Variants in STK24 observed in about 807,000 individuals in gnomAD.
The protein encoded by STK24 is serine/threonine-protein kinase 24.
In STK24, 21 loss-of-function variants were observed where a neutral mutation model predicts 55.6. The ratio of observed to expected loss-of-function variants is 0.38; its 90% CI spans 0.27 to 0.54. STK24 has a LOEUF of 0.54. Among genes scored for constraint, STK24 ranks in the 20% least tolerant of loss-of-function variants. STK24 has a pLI of 0.79. For synonymous variants in STK24, 200 were observed against 215.2 expected (o/e 0.93, Z 0.62); for missense variants, 383 against 538.4 (o/e 0.71, Z 2.86).
intron 1 of STK24, among the ~76,000 whole-genome samples, chr13:98,537,938 G>A (rs1346816750): frequency 6.6e-6 from 1 of 152,124 alleles, no homozygotes; most frequent in Non-Finnish European, 1.5e-5. Flanking sequence ...TCCGCTGCAT[G>A]GCCCAACCAC....
chr13:98,448,177 CAA>C lies in STK24; in HGVS notation c.*4994_*4995del, dbSNP rs1555298723. 13 of 1,429,316 alleles carry C rather than the reference CAA, an allele frequency of 9.1e-6. No individual in the cohort carries two copies. Among genetic ancestry groups the C allele is most frequent in the Middle Eastern group, 2.1e-4 (1 of 4,728 alleles). 88.5% of individuals were successfully genotyped at this position (1,429,316 alleles called of 1,614,324 possible). On this transcript the variant is annotated 3_prime_UTR_variant, in exon 11 of 11. Coordinates refer to ENST00000539966, the MANE Select transcript of STK24 (RefSeq NM_001032296.4). ...TTGTGTTTCTGTAAGCGATGCCCAC[CAA>C]AGTGTCAGGAGTCCGTCCAAACAAA...
chr13:98,473,435 C>G (rs1894235231), intron 5 of STK24, among the ~76,000 whole-genome samples: 1 of 151,110 alleles, frequency 6.6e-6, no homozygotes, highest in African/African-American at 2.4e-5. Context: ...AAAATCTACA[C>G]AGATGAACTT....
At chr13:98,576,656 T>G in intron 1 of STK24, 89 bp downstream of exon 1, 128 of 1,187,158 alleles carry the variant, frequency 1.1e-4, no homozygotes, top group Middle Eastern at 2.8e-4. Context: ...CCCGGCCGGC[T>G]GAGCGTAGGG....
At chr13:98,493,839 A>ATT (rs781025749) in intron 2 of STK24, among the ~76,000 whole-genome samples, 3 of 141,560 alleles carry the variant, frequency 2.1e-5, no homozygotes, top group African/African-American at 5.2e-5. Flanking sequence ...CAAAAAAAAA[A>ATT]TTTTTTTTTT....
intron 3 of STK24, among the ~76,000 whole-genome samples, chr13:98,477,920 G>A (rs1894439198): frequency 6.6e-6 from 1 of 152,152 alleles, no homozygotes; most frequent in Non-Finnish European, 1.5e-5. Flanking sequence ...GGCTGGCTCT[G>A]TGATGACTGT....
chr13:98,551,306 A>T (rs906701335), intron 1 of STK24, among the ~76,000 whole-genome samples: 1 of 150,818 alleles, frequency 6.6e-6, no homozygotes, highest in Middle Eastern at 3.4e-3. Flanking sequence ...AAAAATCAAG[A>T]CTTATCTACG....
intron 1 of STK24, among the ~76,000 whole-genome samples, chr13:98,524,683 G>A (rs1436542948): frequency 6.6e-6 from 1 of 152,210 alleles, no homozygotes; most frequent in African/African-American, 2.4e-5. Flanking sequence ...TACAACAACA[G>A]ATAATAGAAT....
At chr13:98,471,897 T>C (rs556718821) in intron 5 of STK24, among the ~76,000 whole-genome samples, 2 of 152,212 alleles carry the variant, frequency 1.3e-5, no homozygotes, top group East Asian at 1.9e-4. Context: ...CTGTCCCCAA[T>C]AGCTGGAAGG....
chr13:98,485,439 T>C (rs1170141958), intron 2 of STK24, among the ~76,000 whole-genome samples: 1 of 139,448 alleles, frequency 7.2e-6, no homozygotes, highest in African/African-American at 2.4e-5. Flanking sequence ...TGGGGCCAGC[T>C]GATCCATCAA....
At chr13:98,551,848 C>G (rs1347120102) in intron 1 of STK24, among the ~76,000 whole-genome samples, 1 of 152,090 alleles carries the variant, frequency 6.6e-6, no homozygotes, top group African/African-American at 2.4e-5. Context: ...AGCAGACATT[C>G]AATAAATCTT....
At position 98,519,181 on chromosome 13, in the gene STK24, T is replaced by A; in HGVS notation, c.273+62A>T. ...CTTTGTCCTATCAGAGTCCTTCCCA[T>A]TCCCTGCTGGCACCTCAGCCAAGTG... On this transcript the variant is annotated intron_variant, in intron 2 of 10. Coordinates refer to ENST00000539966, the MANE Select transcript of STK24 (RefSeq NM_001032296.4). The A allele has an allele frequency of 2.2e-6, 3 of 1,378,716 alleles. 1 individual carries two copies. In the South Asian group the frequency reaches 3.6e-5, roughly 16 times the overall value. 85.4% of individuals were successfully genotyped at this position (1,378,716 alleles called of 1,614,324 possible). A position where few individuals can be genotyped will look rare whatever the true frequency, so the allele number is the denominator to read the frequency against.
At chr13:98,536,840 C>A (rs1896749849) in intron 1 of STK24, among the ~76,000 whole-genome samples, 1 of 151,560 alleles carries the variant, frequency 6.6e-6, no homozygotes, top group South Asian at 2.1e-4. Context: ...TCCGCCTGTC[C>A]TCCAGCTGTC....
chr13:98,539,403 A>T (rs1293598951), intron 1 of STK24, among the ~76,000 whole-genome samples: 2 of 152,208 alleles, frequency 1.3e-5, no homozygotes, highest in Admixed American at 6.5e-5. Context: ...TGCCTGAAAA[A>T]AAGAATCAAA....
intron 2 of STK24, among the ~76,000 whole-genome samples, chr13:98,509,682 C>T (rs778286384): frequency 7.9e-5 from 12 of 152,220 alleles, no homozygotes; most frequent in Admixed American, 7.9e-4. Context: ...GCTCGCTGGC[C>T]AAGATAAGAA....
intron 10 of STK24, chr13:98,454,150 A>G (rs1440657003): frequency 6.6e-6 from 1 of 152,260 alleles, no homozygotes; most frequent in East Asian, 1.9e-4. Context: ...TATAAGGTAG[A>G]TAAGAGAATT....
At chr13:98,461,302 T>A (rs1458234653) in intron 8 of STK24, among the ~76,000 whole-genome samples, 1 of 152,252 alleles carries the variant, frequency 6.6e-6, no homozygotes. Context: ...ACCCTAAATA[T>A]ATGGCCTTTC....
chr13:98,449,780 C>T lies in STK24; in HGVS notation c.*3393G>A, dbSNP rs1416649900. The T allele has an allele frequency of 2.0e-5, 3 of 147,574 alleles. No individual in the cohort carries two copies. The highest frequency in any genetic ancestry group is 2.2e-4 in the South Asian group (1 of 4,600). 9.1% of individuals were successfully genotyped at this position (147,574 alleles called of 1,614,324 possible). A position where few individuals can be genotyped will look rare whatever the true frequency, so the allele number is the denominator to read the frequency against. Reference sequence around the variant, plus strand: ...TTTAAGGCAAAACAACCAACTTTGTCTGTAGTCTTCATTTTCTGTGTGGGG... The same window carrying T: ...TTTAAGGCAAAACAACCAACTTTGTTTGTAGTCTTCATTTTCTGTGTGGGG... On this transcript the variant is annotated 3_prime_UTR_variant, in exon 11 of 11. Transcript: ENST00000539966.
chr13:98,453,470 A>T lies in STK24; in HGVS notation c.1260-261T>A, dbSNP rs114162767. The T allele has an allele frequency of 3.3e-3, 1,524 of 466,338 alleles. 28 individuals are homozygous for T. The highest frequency in any genetic ancestry group is 0.029 in the African/African-American group (1,428 of 49,420). 28.9% of individuals were successfully genotyped at this position (466,338 alleles called of 1,614,324 possible). A position where few individuals can be genotyped will look rare whatever the true frequency, so the allele number is the denominator to read the frequency against. ...GCCTCCCTGGAGAGATGTGAATAAAACGGGAAATCATATCCCTTTTACTTA... is the reference window on the plus strand; with the variant it reads ...GCCTCCCTGGAGAGATGTGAATAAATCGGGAAATCATATCCCTTTTACTTA... On this transcript the variant is annotated intron_variant, in intron 10 of 10. Coordinates refer to ENST00000539966, the MANE Select transcript of STK24 (RefSeq NM_001032296.4).
chr13:98,557,483 C>T (rs1297057034), intron 1 of STK24, among the ~76,000 whole-genome samples: 1 of 152,238 alleles, frequency 6.6e-6, no homozygotes, highest in Non-Finnish European at 1.5e-5. Context: ...ACCCCCACAG[C>T]TCCCTCCCTC....
Sources: gnomAD v4.1 joint callset for allele counts (sites outside exome capture counted in the v4.1 genomes callset) on GRCh38, gnomAD v4.1.1 for gene constraint, MANE v1.5 for transcripts, NCBI Gene and HGNC (gene_info 2026-07-23, HGNC 2026-07-21) for gene names.